The following AGO3 variants were observed in gnomAD, a reference collection of about 807,000 sequenced individuals.
AGO3 encodes the protein protein argonaute-3.
AGO3 carries 16 observed loss-of-function variants against 105.5 expected under a neutral mutation model. That is an observed-to-expected ratio of 0.15 (90% CI 0.10 to 0.23). AGO3 has a LOEUF of 0.23. Among genes scored for constraint, AGO3 ranks in the 10% least tolerant of loss-of-function variants. AGO3 has a pLI of 1.00. For missense variants in AGO3, 534 were observed against 1,088.0 expected (o/e 0.49, Z 7.16); for synonymous variants, 340 against 367.3 (o/e 0.93, Z 0.85).
At chr1:35,938,162 G>A (rs1224946660) in intron 1 of AGO3, among the ~76,000 whole-genome samples, 6 of 151,752 alleles carry the variant, frequency 4.0e-5, no homozygotes, top group Non-Finnish European at 8.8e-5. Context: ...TGTATTTTTA[G>A]TGGAGATGGG....
chr1:35,982,296 C>T (rs1288790887), intron 5 of AGO3, among the ~76,000 whole-genome samples: 1 of 152,048 alleles, frequency 6.6e-6, no homozygotes, highest in Non-Finnish European at 1.5e-5. Flanking sequence ...CTAAATAACC[C>T]CTTGTTTAAA....
intron 1 of AGO3, among the ~76,000 whole-genome samples, chr1:35,943,806 G>T (rs1258032322): frequency 2.0e-5 from 3 of 151,704 alleles, no homozygotes; most frequent in Non-Finnish European, 1.5e-5. Context: ...TTACCATGTT[G>T]CCCAGGCTGG....
At chr1:35,956,476 G>A (rs1475366936) in intron 2 of AGO3, among the ~76,000 whole-genome samples, 3 of 152,018 alleles carry the variant, frequency 2.0e-5, no homozygotes, top group Admixed American at 2.0e-4. Flanking sequence ...TTAAAAACTG[G>A]GGAAGTATGT....
intron 17 of AGO3, among the ~76,000 whole-genome samples, chr1:36,045,083 T>G (rs188643084): frequency 1.3e-3 from 192 of 152,332 alleles, no homozygotes; most frequent in African/African-American, 4.1e-3. Context: ...TTATATCAGC[T>G]CCTCTTTACA....
chr1:35,996,483 AT>A (rs1639820705), intron 5 of AGO3, among the ~76,000 whole-genome samples: 1 of 151,966 alleles, frequency 6.6e-6, no homozygotes, highest in Admixed American at 6.6e-5. Flanking sequence ...ACAAAAGAAT[AT>A]GTGTGGTCGG....
At position 36,015,483 on chromosome 1, in the gene AGO3, G is replaced by T. The variant is rs1640858436; in HGVS notation, c.1406+1435G>T. ...TTCGGCCCCTTTCGCCTCCTTGGAG[G>T]TTGGGGATGTGGGGCTGAAAGTCCC... On this transcript the variant is annotated intron_variant, in intron 11 of 18. Coordinates refer to ENST00000373191, the MANE Select transcript of AGO3 (RefSeq NM_024852.4). Among the ~76,000 whole-genome samples, 2 of 152,200 alleles carry T rather than the reference G, an allele frequency of 1.3e-5. 1 individual carries two copies. The highest frequency in any genetic ancestry group is 4.1e-4 in the South Asian group (2 of 4,832).
At chr1:36,032,095 G>A (rs892695760) in intron 12 of AGO3, among the ~76,000 whole-genome samples, 3 of 152,022 alleles carry the variant, frequency 2.0e-5, no homozygotes, top group African/African-American at 7.2e-5. Flanking sequence ...TGCATCATAT[G>A]GTAATTCTAT....
chr1:35,977,326 ATTATT>A (rs1646972257), intron 5 of AGO3, among the ~76,000 whole-genome samples: 1 of 149,736 alleles, frequency 6.7e-6, no homozygotes, highest in African/African-American at 2.5e-5. Context: ...TTACTGGAAA[ATTATT>A]TTATTCATAT....
intron 3 of AGO3, among the ~76,000 whole-genome samples, chr1:35,970,829 A>T (rs2148773419): frequency 6.6e-6 from 1 of 151,736 alleles, no homozygotes; most frequent in East Asian, 1.9e-4. Flanking sequence ...TCTCAGGCTC[A>T]AACGATCCTA....
chr1:35,987,828 G>C (rs536367968), intron 5 of AGO3, among the ~76,000 whole-genome samples: 12 of 151,542 alleles, frequency 7.9e-5, no homozygotes, highest in African/African-American at 2.9e-4. Context: ...CCAGCACTTT[G>C]GAAGGCCTAG....
chr1:36,051,288 T>A (rs2148861812), intron 17 of AGO3, among the ~76,000 whole-genome samples: 1 of 152,326 alleles, frequency 6.6e-6, no homozygotes, highest in Non-Finnish European at 1.5e-5. Context: ...AACCAGTGAC[T>A]GGTCAATGAA....
At chr1:35,943,657 G>A (rs1646300641) in intron 1 of AGO3, among the ~76,000 whole-genome samples, 1 of 146,500 alleles carries the variant, frequency 6.8e-6, no homozygotes, top group Admixed American at 7.1e-5. Flanking sequence ...AGGCTGGAGT[G>A]CAGTGGCATG....
At chr1:36,054,270 C>T (rs750499596) in intron 17 of AGO3, among the ~76,000 whole-genome samples, 2 of 151,948 alleles carry the variant, frequency 1.3e-5, no homozygotes, top group Non-Finnish European at 2.9e-5. Flanking sequence ...TATTTTATTT[C>T]ATTTCATTTA....
intron 5 of AGO3, among the ~76,000 whole-genome samples, chr1:35,984,886 G>T (rs559253375): frequency 2.2e-4 from 33 of 152,150 alleles, no homozygotes; most frequent in Non-Finnish European, 3.7e-4. Flanking sequence ...GAGGTACTCA[G>T]GAATAAACGA....
chr1:35,995,217 T>TATATATATATATATATATATAC (rs1648198798), intron 5 of AGO3, among the ~76,000 whole-genome samples: 1 of 143,622 alleles, frequency 7.0e-6, no homozygotes, highest in African/African-American at 2.5e-5. Context: ...AAAATATATA[T>TATATATATATATATATATATAC]ATATATATAT....
At chr1:36,014,387 A>G (rs1640779951) in intron 11 of AGO3, among the ~76,000 whole-genome samples, 1 of 151,572 alleles carries the variant, frequency 6.6e-6, no homozygotes, top group Non-Finnish European at 1.5e-5. Context: ...CAAACTCCTG[A>G]CCTCAGGTGA....
intron 12 of AGO3, among the ~76,000 whole-genome samples, chr1:36,032,610 C>T (rs1313803733): frequency 6.6e-6 from 1 of 152,174 alleles, no homozygotes; most frequent in Non-Finnish European, 1.5e-5. Flanking sequence ...TCTCTAACTC[C>T]TGGGCTCAAG....
intron 17 of AGO3, 148 bp from the exon 18 acceptor site, chr1:36,054,798 T>C: frequency 1.4e-6 from 1 of 691,292 alleles, no homozygotes; most frequent in South Asian, 1.8e-5. Flanking sequence ...ACTAGAATCT[T>C]TTGAGCCCCA....
intron 2 of AGO3, among the ~76,000 whole-genome samples, chr1:35,951,168 C>G (rs1229741976): frequency 2.0e-5 from 3 of 152,174 alleles, no homozygotes; most frequent in African/African-American, 7.2e-5. Context: ...TCAGGCTGGT[C>G]TCGAACTCCT....
Sources: allele counts gnomAD v4.1 joint callset (sites outside exome capture counted in the v4.1 genomes callset), GRCh38; gene constraint gnomAD v4.1.1; transcripts MANE v1.5; gene names NCBI Gene and HGNC (gene_info 2026-07-23, HGNC 2026-07-21).